Variants in ADGRV1 observed in about 807,000 individuals in gnomAD.
ADGRV1 encodes the protein G-protein coupled receptor 98.
A neutral mutation model predicts 596.2 loss-of-function variants in ADGRV1; 359 were observed. The observed-to-expected ratio is 0.60, with a 90% CI of 0.55 to 0.66. The LOEUF (loss-of-function observed/expected upper bound fraction) is 0.66. Ranked by LOEUF, ADGRV1 falls within the 30% of genes least tolerant of loss-of-function variation. ADGRV1 has a pLI of 0.00. For synonymous variants in ADGRV1, 2,681 were observed against 2,679.2 expected, an observed-to-expected ratio of 1.00 and a Z score of -0.02; for missense variants, 7,274 against 7,575.6, an observed-to-expected ratio of 0.96 and a Z score of 1.48.
At chr5:90,741,902 A>G (rs1263873169) in intron 50 of ADGRV1, among the ~76,000 whole-genome samples, 1 of 152,214 alleles carries the variant, frequency 6.6e-6, no homozygotes, top group Non-Finnish European at 1.5e-5. Context: ...AGCTATAACC[A>G]TGAGGATCAC....
At chr5:90,819,787 G>T (rs1763288077) in intron 75 of ADGRV1, among the ~76,000 whole-genome samples, 1 of 152,226 alleles carries the variant, frequency 6.6e-6, no homozygotes, top group South Asian at 2.1e-4. Context: ...GAGATAGTTT[G>T]TTATAATCTC....
intron 1 of ADGRV1, among the ~76,000 whole-genome samples, chr5:90,609,355 AAAT>A (rs1184179582): frequency 6.6e-6 from 1 of 152,008 alleles, no homozygotes; most frequent in Non-Finnish European, 1.5e-5. Context: ...AAATAAATAA[AAAT>A]AAAGACAAAT....
rs762223933 is a variant in ADGRV1, at chr5:90,829,056, C to G, written c.16481C>G (p.Ser5494Cys). 13 of 1,612,588 alleles carry G rather than the reference C, an allele frequency of 8.1e-6. No homozygotes were observed. Among genetic ancestry groups the G allele is most frequent in the Non-Finnish European group, 8.5e-6 (10 of 1,179,120 alleles). Reference protein sequence around the residue: ...AQIKILESDESQSLVYFSVGS... With the variant: ...AQIKILESDECQSLVYFSVGS... Reference sequence around the variant, plus strand: ...ATTAAAATCTTAGAAAGTGATGAATCTCAAAGCCTTGTGTATTTTTCTGTG... The same window carrying G: ...ATTAAAATCTTAGAAAGTGATGAATGTCAAAGCCTTGTGTATTTTTCTGTG... Residue 5494 changes from serine (S) to cysteine (C), a missense_variant, in exon 77 of 90, where the codon TCT (serine) becomes TGT (cysteine). Ser to Cys is a moderately radical substitution (Grantham distance 112, BLOSUM62 -1). Around this residue, in one of 5 missense-constraint regions of ADGRV1, gnomAD observed 1,874 missense variants for 1,970.2 expected, o/e 0.95. Transcript: ENST00000405460.
At chr5:90,691,091 A>G (rs768147551) in intron 31 of ADGRV1, 50 bp downstream of exon 31, 6 of 1,605,692 alleles carry the variant, frequency 3.7e-6, no homozygotes, top group South Asian at 2.2e-5. Context: ...TACCGTATCT[A>G]TAGTGACTAG....
chr5:90,653,070 A>G (rs985823057), intron 19 of ADGRV1, 139 bp from the exon 20 acceptor site: 8 of 752,942 alleles, frequency 1.1e-5, no homozygotes, highest in Admixed American at 3.0e-5. Flanking sequence ...TGAAAGCCAC[A>G]TGGTGACACT....
chr5:90,903,465 T>C (rs1429855027), intron 83 of ADGRV1, among the ~76,000 whole-genome samples: 2 of 152,178 alleles, frequency 1.3e-5, no homozygotes, highest in East Asian at 3.9e-4. Flanking sequence ...TATTTTCTTT[T>C]ACTTTACTAA....
At chr5:90,606,646 T>C (rs1211826700) in intron 1 of ADGRV1, among the ~76,000 whole-genome samples, 2 of 152,232 alleles carry the variant, frequency 1.3e-5, no homozygotes, top group Admixed American at 1.3e-4. Flanking sequence ...CCATTGACTT[T>C]CACTACACCT....
At chr5:91,051,321 A>G (rs2151307492) in intron 85 of ADGRV1, among the ~76,000 whole-genome samples, 1 of 152,344 alleles carries the variant, frequency 6.6e-6, no homozygotes, top group South Asian at 2.1e-4. Flanking sequence ...TTCAGTAGAA[A>G]CTGTACTTTG....
chr5:90,911,925 C>G (rs1772925450), intron 83 of ADGRV1, among the ~76,000 whole-genome samples: 1 of 152,026 alleles, frequency 6.6e-6, no homozygotes, highest in Non-Finnish European at 1.5e-5. Context: ...GAAACAGCTG[C>G]TAAGTCTCCT....
chr5:90,700,655 A>C (rs1747795290), intron 34 of ADGRV1, among the ~76,000 whole-genome samples: 1 of 152,190 alleles, frequency 6.6e-6, no homozygotes, highest in African/African-American at 2.4e-5. Flanking sequence ...TCTTAGGGAC[A>C]GCGTGAATCT....
chr5:90,731,074 A>C (rs750418539), intron 50 of ADGRV1, among the ~76,000 whole-genome samples: 5 of 152,234 alleles, frequency 3.3e-5, no homozygotes, highest in African/African-American at 1.2e-4. Context: ...ATATTAGTCC[A>C]TTCTCACACT....
At chr5:90,765,384 A>AT (rs150141562) in intron 59 of ADGRV1, among the ~76,000 whole-genome samples, 3,048 of 149,676 alleles carry the variant, frequency 0.02, 42 homozygotes, top group Middle Eastern at 0.085. Context: ...TATGTCTGGG[A>AT]TTTTTTTGGA....
At position 90,608,750 on chromosome 5, in the gene ADGRV1, A is replaced by G. The variant is rs543997990; in HGVS notation, c.23-6085A>G. Among the ~76,000 whole-genome samples, 16 of 152,202 alleles carry G rather than the reference A, an allele frequency of 1.1e-4. No individual in the cohort carries two copies. In the South Asian group the frequency reaches 2.1e-3, roughly 20 times the overall value. On this transcript the variant is annotated intron_variant, in intron 1 of 89. Transcript: ENST00000405460. The stretch of plus-strand genomic sequence containing the variant: ...AAGAAAACATGGGATTAACAAACAG[A>G]GGATGAAACACAGGAAAGGATTCAA...
At chr5:90,914,737 A>G (rs1773193325) in intron 83 of ADGRV1, among the ~76,000 whole-genome samples, 1 of 152,184 alleles carries the variant, frequency 6.6e-6, no homozygotes, top group African/African-American at 2.4e-5. Context: ...TTTAAACAGC[A>G]GTTTAAACCT....
chr5:91,003,968 T>A (rs1318235575), intron 85 of ADGRV1, among the ~76,000 whole-genome samples: 1 of 151,976 alleles, frequency 6.6e-6, no homozygotes, highest in East Asian at 1.9e-4. Context: ...AATGATGAAA[T>A]GGTAACTGTA....
Position 90,691,026 on chromosome 5 carries a change from T to G in ADGRV1, c.6936T>G (p.Val2312=), listed in dbSNP as rs1335740636. 4 of 1,613,452 alleles carry G rather than the reference T, an allele frequency of 2.5e-6. No individual in the cohort carries two copies. Among genetic ancestry groups the G allele is most frequent in the African/African-American group, 2.7e-5 (2 of 74,882 alleles). ...TGTTAGAGGTCCTGGCTGACGACGT[T>G]CCGGAGATTGAAGAGGTGAGAGGAC... The part of the protein sequence containing the change: ...TLLLEVLADD[V]PEIEEVIQVQ... Residue 2312 remains valine, a synonymous_variant, in exon 31 of 90, where the codon GTT becomes GTG. Transcript: ENST00000405460.
At chr5:90,708,939 T>A (rs1200716526) in intron 39 of ADGRV1, 30 bp downstream of exon 39, 2 of 1,435,584 alleles carry the variant, frequency 1.4e-6, no homozygotes, top group Non-Finnish European at 2.0e-6. Context: ...TGTTTCTTTT[T>A]GCTCACTTCA....
chr5:91,029,062 G>A (rs556017380), intron 85 of ADGRV1, among the ~76,000 whole-genome samples: 1 of 152,110 alleles, frequency 6.6e-6, no homozygotes, highest in South Asian at 2.1e-4. Context: ...TTTCTTTAGG[G>A]TTTTTAAAAA....
At chr5:90,972,922 T>C (rs1779187564) in intron 84 of ADGRV1, among the ~76,000 whole-genome samples, 1 of 152,134 alleles carries the variant, frequency 6.6e-6, no homozygotes, top group Non-Finnish European at 1.5e-5. Context: ...AGCTGGTTTT[T>C]TGAAAAGATC....
Sources: allele counts gnomAD v4.1 joint callset (sites outside exome capture counted in the v4.1 genomes callset), GRCh38; gene constraint gnomAD v4.1.1; regional missense constraint gnomAD v4.1.1; transcripts MANE v1.5; gene names NCBI Gene and HGNC (gene_info 2026-07-23, HGNC 2026-07-21).